Variants in PACSIN2 observed in about 807,000 individuals in gnomAD.
PACSIN2 encodes protein kinase C and casein kinase substrate in neurons 2, also known as protein kinase C and casein kinase substrate in neurons protein 2.
In PACSIN2, 25 loss-of-function variants were observed where a neutral mutation model predicts 63.8. The observed-to-expected ratio is 0.39, with a 90% CI of 0.29 to 0.55. The LOEUF (loss-of-function observed/expected upper bound fraction) is 0.55, where lower values mean the gene tolerates loss of function less well. Among genes scored for constraint, PACSIN2 ranks in the 20% least tolerant of loss-of-function variants. The pLI is 0.62. For missense variants in PACSIN2, 518 were observed against 646.9 expected (o/e 0.80, Z 2.16); for synonymous variants, 255 against 256.2 (o/e 1.00, Z 0.05).
chr22:43,013,937 C>T (rs1601629781), intron 1 of PACSIN2, among the ~76,000 whole-genome samples: 1 of 152,310 alleles, frequency 6.6e-6, no homozygotes, highest in Middle Eastern at 3.4e-3. Context: ...GGCCACCTTC[C>T]CTCAGGCACC....
intron 1 of PACSIN2, among the ~76,000 whole-genome samples, chr22:43,013,697 C>T (rs1214227158): frequency 6.6e-6 from 1 of 152,148 alleles, no homozygotes; most frequent in African/African-American, 2.4e-5. Flanking sequence ...AGGAAGGCAC[C>T]GAAAAGGAGG....
intron 2 of PACSIN2, among the ~76,000 whole-genome samples, chr22:42,897,954 T>C (rs1222977698): frequency 6.6e-6 from 1 of 150,760 alleles, no homozygotes; most frequent in Non-Finnish European, 1.5e-5. Context: ...CAAATGGCAA[T>C]GAGGGAGGGC....
chr22:42,971,919 C>G (rs199924838), intron 1 of PACSIN2, among the ~76,000 whole-genome samples: 1 of 148,868 alleles, frequency 6.7e-6, no homozygotes, highest in South Asian at 2.1e-4. Flanking sequence ...GCCGCCGCCC[C>G]GTCTGGAAGG....
At chr22:42,874,364 A>G (rs1476450627) in intron 10 of PACSIN2, among the ~76,000 whole-genome samples, 7 of 152,144 alleles carry the variant, frequency 4.6e-5, no homozygotes, top group Non-Finnish European at 8.8e-5. Flanking sequence ...AGACCATTCA[A>G]AGAAGAAAAA....
At chr22:42,878,903 G>A (rs1928851530) in intron 8 of PACSIN2, 145 bp downstream of exon 8, 1 of 888,850 alleles carries the variant, frequency 1.1e-6, no homozygotes, top group Admixed American at 2.9e-5. Flanking sequence ...AACCTCCCAG[G>A]TGTCCAGGCT....
chr22:42,970,208 A>G (rs536220665), intron 1 of PACSIN2, among the ~76,000 whole-genome samples: 11 of 152,322 alleles, frequency 7.2e-5, no homozygotes, highest in African/African-American at 2.6e-4. Context: ...AAGGAGAACG[A>G]CTAAAGTAAA....
intron 1 of PACSIN2, among the ~76,000 whole-genome samples, chr22:43,010,864 G>A (rs1360844808): frequency 6.6e-6 from 1 of 152,236 alleles, no homozygotes; most frequent in Non-Finnish European, 1.5e-5. Context: ...GGTAACTTAA[G>A]GAAAGGTGGT....
At chr22:42,934,401 T>A (rs6002983) in intron 1 of PACSIN2, among the ~76,000 whole-genome samples, 16,743 of 152,188 alleles carry the variant, frequency 0.11, 1,398 homozygotes, top group African/African-American at 0.24. Flanking sequence ...TTCTGTGTAC[T>A]CCCCCTCCTT....
intron 4 of PACSIN2, among the ~76,000 whole-genome samples, chr22:42,889,600 G>C (rs972944476): frequency 4.6e-5 from 7 of 152,198 alleles, no homozygotes; most frequent in African/African-American, 1.7e-4. Context: ...CGGAAGGACA[G>C]AGGCATGTTC....
intron 2 of PACSIN2, among the ~76,000 whole-genome samples, chr22:42,911,156 G>A (rs1297239229): frequency 1.4e-5 from 2 of 142,638 alleles, no homozygotes; most frequent in African/African-American, 2.7e-5. Context: ...CACCCGCCTC[G>A]GCCTCCCAAA....
At chr22:42,983,497 A>AAAAAC (rs1427788748) in intron 1 of PACSIN2, among the ~76,000 whole-genome samples, 1 of 144,784 alleles carries the variant, frequency 6.9e-6, no homozygotes. Flanking sequence ...CTCAAAAAAA[A>AAAAAC]AAAAAAAAAA....
Position 42,872,607 on chromosome 22 carries a change from C to T in PACSIN2, c.1349-1138G>A, listed in dbSNP as rs575830829. On this transcript the variant is annotated intron_variant, in intron 10 of 10. Transcript: ENST00000263246. The stretch of plus-strand genomic sequence containing the variant: ...AATACCTGGGGCTTCCAGTGCTCCC[C>T]GGACTGCCTGGGCTCAAATCCCACA... Among the ~76,000 whole-genome samples, 6 of 152,362 alleles carry T rather than the reference C, an allele frequency of 3.9e-5. No homozygotes were observed. In the South Asian group the frequency reaches 1.2e-3, roughly 32 times the overall value.
intron 1 of PACSIN2, among the ~76,000 whole-genome samples, chr22:42,987,949 T>C (rs1417706122): frequency 3.3e-5 from 5 of 152,000 alleles, no homozygotes; most frequent in African/African-American, 4.8e-5. Flanking sequence ...AAGACCAGCC[T>C]GGCCAACATG....
intron 5 of PACSIN2, among the ~76,000 whole-genome samples, chr22:42,888,306 C>T (rs1929641422): frequency 6.6e-6 from 1 of 152,218 alleles, no homozygotes; most frequent in African/African-American, 2.4e-5. Flanking sequence ...ACCAGCCACA[C>T]CCATTCACAC....
chr22:42,950,172 T>A (rs1177595539), intron 1 of PACSIN2, among the ~76,000 whole-genome samples: 1 of 152,100 alleles, frequency 6.6e-6, no homozygotes, highest in African/African-American at 2.4e-5. Flanking sequence ...GGTATAACTA[T>A]TTACATTGTA....
At chr22:42,963,813 G>T (rs548194267) in intron 1 of PACSIN2, among the ~76,000 whole-genome samples, 2 of 149,156 alleles carry the variant, frequency 1.3e-5, no homozygotes, top group South Asian at 4.3e-4. Context: ...TTGGCAAAAG[G>T]TCGTGTCATT....
intron 1 of PACSIN2, among the ~76,000 whole-genome samples, chr22:42,953,530 A>G (rs1933789016): frequency 6.6e-6 from 1 of 152,232 alleles, no homozygotes; most frequent in African/African-American, 2.4e-5. Flanking sequence ...CAAACCATTA[A>G]ATGGTTTTAG....
At position 42,967,742 on chromosome 22, in the gene PACSIN2, G is replaced by A. The variant is rs189421217; in HGVS notation, c.-78+47279C>T. ...TCTCTACTAAAAATACAAAAAATTA[G>A]CCGGGCGTGGGGGTGGGCGCCTGTA... On this transcript the variant is annotated intron_variant, in intron 1 of 10. Coordinates refer to ENST00000263246, the MANE Select transcript of PACSIN2 (RefSeq NM_001184970.3). Among the ~76,000 whole-genome samples the A allele has an allele frequency of 3.3e-3, 502 of 152,176 alleles. 4 individuals are homozygous for A. The highest frequency in any genetic ancestry group is 0.012 in the African/African-American group (484 of 41,516).
At chr22:42,912,616 C>T (rs1601508692) in intron 1 of PACSIN2, among the ~76,000 whole-genome samples, 1 of 152,240 alleles carries the variant, frequency 6.6e-6, no homozygotes, top group East Asian at 1.9e-4. Flanking sequence ...TTTGTTCTGA[C>T]ACTGTCTGTG....
Sources: gnomAD v4.1 joint callset for allele counts (sites outside exome capture counted in the v4.1 genomes callset) on GRCh38, gnomAD v4.1.1 for gene constraint, MANE v1.5 for transcripts, NCBI Gene and HGNC (gene_info 2026-07-23, HGNC 2026-07-21) for gene names.